The following SLC22A15 variants were observed in gnomAD, a reference collection of about 807,000 sequenced individuals.
The protein encoded by SLC22A15 is flipt 1.
A neutral mutation model predicts 62.7 loss-of-function variants in SLC22A15; 45 were observed. The observed-to-expected ratio is 0.72, with a 90% CI of 0.56 to 0.92. The LOEUF (loss-of-function observed/expected upper bound fraction) is 0.92, where lower values mean the gene tolerates loss of function less well. SLC22A15 is among the 40% of genes least tolerant of loss of function. SLC22A15 has a pLI of 0.00. For missense variants in SLC22A15, 622 were observed against 665.6 expected, an observed-to-expected ratio of 0.93 and a Z score of 0.72; for synonymous variants, 264 against 267.0, an observed-to-expected ratio of 0.99 and a Z score of 0.11.
chr1:115,985,811 G>A (rs1425234313), intron 1 of SLC22A15, among the ~76,000 whole-genome samples: 3 of 151,840 alleles, frequency 2.0e-5, no homozygotes, highest in Admixed American at 6.6e-5. Context: ...GCTGGGTGTG[G>A]TGGCGGGTGC....
At chr1:116,032,893 G>A (rs1251257190) in intron 6 of SLC22A15, 3 of 152,458 alleles carry the variant, frequency 2.0e-5, no homozygotes, top group Non-Finnish European at 4.4e-5. Context: ...CCACCTACTT[G>A]TTGCAGATTA....
At chr1:116,066,898 TA>T (rs1658512828) in intron 11 of SLC22A15, 120 bp from the exon 12 acceptor site, 2 of 953,048 alleles carry the variant, frequency 2.1e-6, no homozygotes. Flanking sequence ...TTTTAGGGGC[TA>T]TTTCTTGGGG....
intron 7 of SLC22A15, among the ~76,000 whole-genome samples, chr1:116,036,348 G>A (rs1657627963): frequency 6.6e-6 from 1 of 152,140 alleles, no homozygotes; most frequent in Non-Finnish European, 1.5e-5. Flanking sequence ...TATCCCTGGT[G>A]CTTGCCTAGC....
chr1:116,052,620 C>T (rs1658091509), intron 8 of SLC22A15, among the ~76,000 whole-genome samples: 1 of 152,232 alleles, frequency 6.6e-6, no homozygotes, highest in Non-Finnish European at 1.5e-5. Context: ...GGTCCCTGAC[C>T]CCTGACCCCC....
At chr1:116,033,374 A>G (rs747416747) in intron 6 of SLC22A15, among the ~76,000 whole-genome samples, 1 of 152,182 alleles carries the variant, frequency 6.6e-6, no homozygotes, top group Non-Finnish European at 1.5e-5. Flanking sequence ...GACCAACTCT[A>G]TGACGAAGGC....
chr1:115,990,074 GA>G (rs1466494905), intron 1 of SLC22A15, among the ~76,000 whole-genome samples: 1 of 152,208 alleles, frequency 6.6e-6, no homozygotes, highest in Non-Finnish European at 1.5e-5. Context: ...AGTCTAGATG[GA>G]GCTTTAGGAG....
At chr1:116,020,687 C>T in intron 3 of SLC22A15, 34 bp from the exon 4 acceptor site, 1 of 1,533,888 alleles carries the variant, frequency 6.5e-7, no homozygotes, top group Non-Finnish European at 8.9e-7. Context: ...GCTATTTTGC[C>T]TCTGGATTAT....
chr1:115,986,289 G>A (rs922452814), intron 1 of SLC22A15, among the ~76,000 whole-genome samples: 1 of 151,998 alleles, frequency 6.6e-6, no homozygotes, highest in Non-Finnish European at 1.5e-5. Flanking sequence ...ATATGAGATA[G>A]ACTTTTATGT....
chr1:116,007,814 T>A (rs1656057769), intron 2 of SLC22A15, among the ~76,000 whole-genome samples: 1 of 152,172 alleles, frequency 6.6e-6, no homozygotes, highest in Non-Finnish European at 1.5e-5. Context: ...TCCACTTCAC[T>A]AGTGATTTTC....
intron 8 of SLC22A15, among the ~76,000 whole-genome samples, chr1:116,049,268 A>G (rs1389270454): frequency 6.6e-6 from 1 of 152,236 alleles, no homozygotes. Flanking sequence ...TATATACAGA[A>G]CATTTCATGC....
At chr1:116,016,212 TCTCTTTTGACAGGGTCTCA>T (rs1656518266) in intron 2 of SLC22A15, among the ~76,000 whole-genome samples, 1 of 132,886 alleles carries the variant, frequency 7.5e-6, no homozygotes. Context: ...TCTTCTCACC[TCTCTTTTGACAGGGTCTCA>T]CTCTGTTGTC....
intron 2 of SLC22A15, among the ~76,000 whole-genome samples, chr1:115,996,680 T>A (rs1179363072): frequency 1.3e-5 from 2 of 150,472 alleles, no homozygotes; most frequent in African/African-American, 4.9e-5. Context: ...ACAATTCATT[T>A]TTATATGTTA....
intron 1 of SLC22A15, among the ~76,000 whole-genome samples, chr1:115,990,984 CT>C (rs1462615724): frequency 6.6e-6 from 1 of 152,172 alleles, no homozygotes; most frequent in African/African-American, 2.4e-5. Context: ...TCTCAAACTC[CT>C]GACCTCAAGT....
At chr1:116,052,081 C>T (rs879767639) in intron 8 of SLC22A15, among the ~76,000 whole-genome samples, 122 of 152,278 alleles carry the variant, frequency 8.0e-4, no homozygotes, top group Non-Finnish European at 1.3e-3. Context: ...GCACCATGCG[C>T]GAGCCGAAGC....
intron 1 of SLC22A15, among the ~76,000 whole-genome samples, chr1:115,991,615 GC>G (rs1655144180): frequency 6.6e-6 from 1 of 152,126 alleles, no homozygotes; most frequent in Non-Finnish European, 1.5e-5. Flanking sequence ...GATGCTCCTA[GC>G]CCCCTAGTGA....
chr1:116,045,189 G>A (rs559562634), intron 8 of SLC22A15, among the ~76,000 whole-genome samples: 9 of 151,910 alleles, frequency 5.9e-5, no homozygotes, highest in East Asian at 2.0e-4. Flanking sequence ...GATTACAGGC[G>A]CCCACCATCA....
chr1:116,011,275 A>G (rs1466944091), intron 2 of SLC22A15, among the ~76,000 whole-genome samples: 2 of 152,202 alleles, frequency 1.3e-5, no homozygotes, highest in African/African-American at 4.8e-5. Flanking sequence ...TGGACCAGCT[A>G]AAGTGCTTTC....
At chr1:116,042,752 T>C (rs1408501004) in intron 8 of SLC22A15, among the ~76,000 whole-genome samples, 2 of 152,154 alleles carry the variant, frequency 1.3e-5, no homozygotes, top group Admixed American at 1.3e-4. Context: ...AGAAACACAA[T>C]ACTTCACTAT....
intron 1 of SLC22A15, among the ~76,000 whole-genome samples, chr1:115,977,184 G>A (rs901995234): frequency 6.6e-6 from 1 of 152,130 alleles, no homozygotes; most frequent in East Asian, 1.9e-4. Flanking sequence ...CCTCTGCGCC[G>A]GGTGTCCTCT....
Sources: gnomAD v4.1 joint callset for allele counts (sites outside exome capture counted in the v4.1 genomes callset) on GRCh38, gnomAD v4.1.1 for gene constraint, MANE v1.5 for transcripts, NCBI Gene and HGNC (gene_info 2026-07-23, HGNC 2026-07-21) for gene names.